PGBD2: variants seen among roughly 807,000 people sequenced by gnomAD.
PGBD2 encodes the protein piggyBac transposable element derived 2.
Under a neutral mutation model 8.1 loss-of-function variants are expected in PGBD2, and 6 were observed. The ratio of observed to expected loss-of-function variants is 0.74; its 90% CI spans 0.40 to 1.46. The LOEUF is 1.46. Ranked by LOEUF, PGBD2 falls within the 40% of genes most tolerant of loss-of-function variation. The probability of loss-of-function intolerance (pLI) is 0.02; values close to 1 mark genes in which losing one functional copy is unlikely to be tolerated. For missense variants in PGBD2, 802 were observed against 739.0 expected (o/e 1.09, Z -0.99); for synonymous variants, 318 against 272.2 (o/e 1.17, Z -1.66).
chr1:248,918,315 C>A lies in PGBD2; in HGVS notation c.1731C>A (p.Cys577Ter), dbSNP rs200389348. The A allele has an allele frequency of 6.3e-7, 1 of 1,582,500 alleles. No individual in the cohort carries two copies. Among genetic ancestry groups the A allele is most frequent in the Non-Finnish European group, 8.6e-7 (1 of 1,164,178 alleles). ...AGACCAACACCCGGTGTGAGAAGTGCCAGAAGGGTGTCCATGCCAAATGCT... is the reference window on the plus strand; with the variant it reads ...AGACCAACACCCGGTGTGAGAAGTGACAGAAGGGTGTCCATGCCAAATGCT... ...HSQTNTRCEK[C>*]QKGVHAKCFR... Residue 577 changes from cysteine to a stop codon, truncating the protein, a stop_gained, in exon 3 of 3, where the codon TGC becomes TGA. Transcript: ENST00000329291. LOFTEE classifies it high-confidence loss of function.
chr1:248,904,511 C>T (rs1661586679), upstream of PGBD2, among the ~76,000 whole-genome samples: 1 of 152,168 alleles, frequency 6.6e-6, no homozygotes, highest in African/African-American at 2.4e-5. Flanking sequence ...AGAATTCTCT[C>T]TGGATCATAA....
At position 248,917,514 on chromosome 1, in the gene PGBD2, G is replaced by GC; in HGVS notation, c.933dup (p.Ser312LeufsTer40). The GC allele has an allele frequency of 6.2e-7, 1 of 1,614,152 alleles. No individual in the cohort carries two copies. The highest frequency in any genetic ancestry group is 8.5e-7 in the Non-Finnish European group (1 of 1,180,020). On this transcript the variant is annotated frameshift_variant, in exon 3 of 3. Coordinates refer to ENST00000329291, the MANE Select transcript of PGBD2 (RefSeq NM_170725.3). LOFTEE classifies it low-confidence loss of function (END_TRUNC). ...GCAGAGGCTACTTGGTGTGGTTTGA[G>GC]CCCTCACAGGGCACACTGTTTACCA...
the PGBD2 span, among the ~76,000 whole-genome samples, chr1:248,874,208 T>G: frequency 6.6e-6 from 1 of 152,208 alleles, no homozygotes; most frequent in Non-Finnish European, 1.5e-5. Flanking sequence ...CACAGGATAT[T>G]TATTTAGTAT....
At chr1:248,886,823 G>C in the PGBD2 span, among the ~76,000 whole-genome samples, 3 of 152,122 alleles carry the variant, frequency 2.0e-5, no homozygotes, top group African/African-American at 7.2e-5. Flanking sequence ...GGTTCAAAAG[G>C]AAACTTTAAA....
chr1:248,895,849 A>G, the PGBD2 span, among the ~76,000 whole-genome samples: 3 of 151,586 alleles, frequency 2.0e-5, no homozygotes, highest in African/African-American at 4.8e-5. Flanking sequence ...CACCACGCCC[A>G]GCTAATTTTT....
At chr1:248,926,969 A>G in the PGBD2 span, among the ~76,000 whole-genome samples, 2 of 152,240 alleles carry the variant, frequency 1.3e-5, no homozygotes, top group Non-Finnish European at 2.9e-5. Context: ...CAAATGTCTC[A>G]GCCTCGTGGT....
chr1:248,911,978 C>G (rs952394717), intron 1 of PGBD2, among the ~76,000 whole-genome samples: 1 of 151,820 alleles, frequency 6.6e-6, no homozygotes, highest in Non-Finnish European at 1.5e-5. Flanking sequence ...AGTGAGTTGT[C>G]CAGGGAAATT....
chr1:248,886,489 T>G, the PGBD2 span, among the ~76,000 whole-genome samples: 1 of 152,210 alleles, frequency 6.6e-6, no homozygotes, highest in African/African-American at 2.4e-5. Flanking sequence ...GAATTCAAAT[T>G]ATACCACTGA....
chr1:248,922,893 A>C (rs754157793), downstream of PGBD2, among the ~76,000 whole-genome samples: 1 of 152,176 alleles, frequency 6.6e-6, no homozygotes, highest in Non-Finnish European at 1.5e-5. Context: ...GTTGATGTTC[A>C]TCAGGAATAC....
chr1:248,893,558 T>C, the PGBD2 span, among the ~76,000 whole-genome samples: 1 of 152,226 alleles, frequency 6.6e-6, no homozygotes, highest in Non-Finnish European at 1.5e-5. Flanking sequence ...GATTTCCTTC[T>C]TTTTAAAAGG....
intron 2 of PGBD2, chr1:248,914,565 T>C: frequency 7.8e-7 from 1 of 1,289,252 alleles, no homozygotes; most frequent in Non-Finnish European, 1.0e-6. Flanking sequence ...GGCAGGTCTG[T>C]ACTGATGCAG....
Position 248,917,269 on chromosome 1 carries a change from C to A in PGBD2, c.685C>A (p.His229Asn), listed in dbSNP as rs767818720. The change falls in exon 3 of 3, where the codon CAT (histidine) becomes AAT (asparagine). Residue 229 changes from histidine to asparagine, a missense_variant. By Grantham distance (68) the His-to-Asn change is moderately conservative. Coordinates refer to ENST00000329291, the MANE Select transcript of PGBD2 (RefSeq NM_170725.3). ...DRFELIFSYL[H>N]FADNNELDAS... ...ATTTGAACTAATCTTCTCATACTTA[C>A]ATTTTGCAGATAACAACGAACTTGA... is the stretch of plus-strand genomic sequence containing the variant. The A allele has an allele frequency of 4.3e-6, 7 of 1,614,050 alleles. No homozygotes were observed. In the East Asian group the frequency reaches 8.9e-5, roughly 21 times the overall value.
chr1:248,896,624 C>A, the PGBD2 span, among the ~76,000 whole-genome samples: 1 of 152,100 alleles, frequency 6.6e-6, no homozygotes, highest in Non-Finnish European at 1.5e-5. Context: ...CTTGGCCCCT[C>A]CCTCCTACAA....
chr1:248,896,165 C>T, the PGBD2 span, among the ~76,000 whole-genome samples: 7 of 152,090 alleles, frequency 4.6e-5, no homozygotes, highest in Non-Finnish European at 1.0e-4. Context: ...TGGTCTTCAA[C>T]TCCATCCAAG....
At chr1:248,920,703 C>A (rs1304072396), downstream of PGBD2, among the ~76,000 whole-genome samples, 1 of 152,138 alleles carries the variant, frequency 6.6e-6, no homozygotes, top group Admixed American at 6.5e-5. Flanking sequence ...GTTCTAGATT[C>A]TTAAGGAATC....
intron 1 of PGBD2, among the ~76,000 whole-genome samples, chr1:248,907,411 C>G (rs113875127): frequency 0.084 from 12,788 of 152,240 alleles, 1,618 homozygotes; most frequent in African/African-American, 0.28. Flanking sequence ...GCAGGCAGGA[C>G]ACAGTGGCCT....
chr1:248,922,441 C>G (rs977547514), downstream of PGBD2, among the ~76,000 whole-genome samples: 2 of 152,152 alleles, frequency 1.3e-5, no homozygotes, highest in Non-Finnish European at 2.9e-5. Context: ...ATTTGAATAC[C>G]CTTTATTTCT....
At chr1:248,904,201 G>T (rs1338199535), upstream of PGBD2, among the ~76,000 whole-genome samples, 1 of 151,422 alleles carries the variant, frequency 6.6e-6, no homozygotes, top group African/African-American at 2.4e-5. Context: ...TTTCCTTAAA[G>T]CTTATTTAGC....
At chr1:248,925,041 G>C in the PGBD2 span, among the ~76,000 whole-genome samples, 18 of 152,010 alleles carry the variant, frequency 1.2e-4, no homozygotes, top group African/African-American at 4.1e-4. Flanking sequence ...ATGGGCTGAT[G>C]GGTAAAAATG....
Sources: gnomAD v4.1 joint callset for allele counts (sites outside exome capture counted in the v4.1 genomes callset) on GRCh38, gnomAD v4.1.1 for gene constraint, MANE v1.5 for transcripts, NCBI Gene and HGNC (gene_info 2026-07-23, HGNC 2026-07-21) for gene names.